The following FAAH2 variants were observed in gnomAD, a reference collection of about 807,000 sequenced individuals.
FAAH2 encodes fatty acid amide hydrolase 2.
A neutral mutation model predicts 36.9 loss-of-function variants in FAAH2; 60 were observed. That is an observed-to-expected ratio of 1.63 (90% CI 1.32 to 2.02). FAAH2 has a LOEUF of 2.02. FAAH2 is among the 30% of genes most tolerant of loss of function. The probability of loss-of-function intolerance (pLI) is 0.00; values close to 1 mark genes in which losing one functional copy is unlikely to be tolerated. For synonymous variants in FAAH2, 214 were observed against 143.8 expected (o/e 1.49, Z -3.49); for missense variants, 689 against 397.5 (o/e 1.73, Z -6.23).
chrX:57,195,450 G>C, the FAAH2 span, among the ~76,000 whole-genome samples: 1 of 111,213 alleles, frequency 9.0e-6, no homozygotes, highest in Non-Finnish European at 1.9e-5. Flanking sequence ...TTTTTGACGG[G>C]ATTATTTGTT....
At chrX:57,405,988 T>C (rs2055558932) in intron 7 of FAAH2, among the ~76,000 whole-genome samples, 1 of 109,753 alleles carries the variant, frequency 9.1e-6, no homozygotes, top group Non-Finnish European at 1.9e-5. Context: ...ATGGAGATAT[T>C]GATGTCCTTT....
intron 5 of FAAH2, among the ~76,000 whole-genome samples, chrX:57,368,153 C>G (rs952938029): frequency 9.0e-6 from 1 of 110,852 alleles, no homozygotes; most frequent in South Asian, 3.8e-4. Flanking sequence ...ATACCCCAAC[C>G]CTGGTTACTC....
intron 7 of FAAH2, among the ~76,000 whole-genome samples, chrX:57,382,033 G>A (rs1238571879): frequency 9.0e-5 from 10 of 111,391 alleles, no homozygotes; most frequent in Admixed American, 3.8e-4. Flanking sequence ...GCTCAAAACC[G>A]CTTAACTACA....
chrX:57,358,013 A>G (rs757382903), intron 5 of FAAH2, among the ~76,000 whole-genome samples: 10 of 111,386 alleles, frequency 9.0e-5, no homozygotes, highest in Non-Finnish European at 1.9e-4. Context: ...CCATAAAAAA[A>G]GGATACGTTT....
At chrX:57,480,554 G>C (rs781742443) in intron 10 of FAAH2, among the ~76,000 whole-genome samples, 2 of 111,763 alleles carry the variant, frequency 1.8e-5, no homozygotes, top group Non-Finnish European at 3.8e-5. Context: ...TAAGAAAGTT[G>C]AATGTTTGCC....
intron 10 of FAAH2, among the ~76,000 whole-genome samples, chrX:57,486,346 G>T (rs1429903032): frequency 1.8e-5 from 2 of 111,342 alleles, no homozygotes; most frequent in Non-Finnish European, 3.8e-5. Flanking sequence ...AGTCAGTGGG[G>T]TTGGGTGGGG....
the FAAH2 span, among the ~76,000 whole-genome samples, chrX:57,187,778 G>T: frequency 9.0e-6 from 1 of 111,025 alleles, no homozygotes; most frequent in Non-Finnish European, 1.9e-5. Flanking sequence ...AGCATGAAGG[G>T]GTATTGAATT....
At chrX:57,481,496 C>T (rs936458664) in intron 10 of FAAH2, among the ~76,000 whole-genome samples, 1 of 111,842 alleles carries the variant, frequency 8.9e-6, no homozygotes, top group Non-Finnish European at 1.9e-5. Context: ...ACAGTCAGGC[C>T]TCTCTTCTGC....
At chrX:57,380,627 C>G (rs148565499) in intron 6 of FAAH2, among the ~76,000 whole-genome samples, 72 of 111,851 alleles carry the variant, frequency 6.4e-4, no homozygotes, top group African/African-American at 2.1e-3. Context: ...ACCATGGTTA[C>G]AGTTCTAGTT....
At chrX:57,275,021 A>G in the FAAH2 span, among the ~76,000 whole-genome samples, 1 of 112,102 alleles carries the variant, frequency 8.9e-6, no homozygotes, top group East Asian at 2.8e-4. Context: ...ATCTCAGCCC[A>G]AAATCTCCTT....
At chrX:57,191,740 G>T in the FAAH2 span, among the ~76,000 whole-genome samples, 1 of 111,888 alleles carries the variant, frequency 8.9e-6, no homozygotes, top group Non-Finnish European at 1.9e-5. Context: ...TTGAAGAGAA[G>T]GTCTTTTCCT....
the FAAH2 span, among the ~76,000 whole-genome samples, chrX:57,276,793 G>A: frequency 3.7e-4 from 41 of 111,556 alleles, no homozygotes; most frequent in African/African-American, 1.3e-3. Flanking sequence ...AATACTATAA[G>A]CACCGGTACA....
chrX:57,455,644 G>A (rs2056852888), intron 10 of FAAH2, among the ~76,000 whole-genome samples: 1 of 111,830 alleles, frequency 8.9e-6, no homozygotes, highest in South Asian at 3.7e-4. Context: ...CAAAAGATCA[G>A]GAGTCATTAT....
At chrX:57,468,582 G>T (rs1218891591) in intron 10 of FAAH2, among the ~76,000 whole-genome samples, 1 of 111,896 alleles carries the variant, frequency 8.9e-6, no homozygotes, top group Non-Finnish European at 1.9e-5. Context: ...AAGCATCCAA[G>T]AAATATGGGA....
At chrX:57,352,313 G>A (rs903973194) in intron 5 of FAAH2, among the ~76,000 whole-genome samples, 6 of 105,226 alleles carry the variant, frequency 5.7e-5, no homozygotes, top group African/African-American at 2.1e-4. Context: ...GTTCGACATA[G>A]GCAAATAAGT....
At chrX:57,441,406 T>C (rs979071377) in intron 8 of FAAH2, among the ~76,000 whole-genome samples, 2 of 111,689 alleles carry the variant, frequency 1.8e-5, no homozygotes, top group African/African-American at 6.5e-5. Flanking sequence ...TTTATACTAT[T>C]CTCTGATGGT....
intron 8 of FAAH2, among the ~76,000 whole-genome samples, chrX:57,442,213 A>G (rs1006692716): frequency 3.6e-4 from 40 of 110,934 alleles, no homozygotes; most frequent in Non-Finnish European, 7.2e-4. Context: ...GTGGGGTGTT[A>G]AAGTCTCCCA....
At chrX:57,382,501 C>T (rs2054880393) in intron 7 of FAAH2, among the ~76,000 whole-genome samples, 1 of 111,722 alleles carries the variant, frequency 9.0e-6, no homozygotes, top group South Asian at 3.7e-4. Context: ...GATATCACCA[C>T]CAATCCCACA....
the FAAH2 span, chrX:57,137,079 C>T: frequency 2.2e-4 from 173 of 790,972 alleles, no homozygotes; most frequent in Admixed American, 7.1e-5. Flanking sequence ...CTATTCCTAC[C>T]CCCTTTCCCT....
Sources: gnomAD v4.1 joint callset for allele counts (sites outside exome capture counted in the v4.1 genomes callset) on GRCh38, gnomAD v4.1.1 for gene constraint, MANE v1.5 for transcripts, NCBI Gene and HGNC (gene_info 2026-07-23, HGNC 2026-07-21) for gene names.